The following SAMD4B variants were observed in gnomAD, a reference collection of about 807,000 sequenced individuals.
SAMD4B encodes the protein sterile alpha motif domain containing 4B, also known as protein Smaug homolog 2.
Under a neutral mutation model 74.5 loss-of-function variants are expected in SAMD4B, and 5 were observed. The ratio of observed to expected loss-of-function variants is 0.07; its 90% CI spans 0.04 to 0.14. The LOEUF (loss-of-function observed/expected upper bound fraction) is 0.14, where lower values mean the gene tolerates loss of function less well. Among genes scored for constraint, SAMD4B ranks in the 10% least tolerant of loss-of-function variants. The probability of loss-of-function intolerance (pLI) is 1.00; values close to 1 mark genes in which losing one functional copy is unlikely to be tolerated. For missense variants in SAMD4B, 608 were observed against 921.8 expected (o/e 0.66, Z 4.41); for synonymous variants, 373 against 374.9 (o/e 1.00, Z 0.06).
intron 10 of SAMD4B, 113 bp from the exon 11 acceptor site, chr19:39,380,474 A>T (rs1304227421): frequency 3.6e-6 from 4 of 1,107,590 alleles, no homozygotes; most frequent in Non-Finnish European, 4.1e-6. Flanking sequence ...AGAATGTGTG[A>T]TGGAGGTTTA....
intron 4 of SAMD4B, among the ~76,000 whole-genome samples, 187 bp downstream of exon 4, chr19:39,370,312 T>C (rs925744121): frequency 3.3e-5 from 5 of 152,230 alleles, no homozygotes; most frequent in African/African-American, 9.6e-5. Context: ...ACATGTCTTA[T>C]TGAACCCATA....
At position 39,375,983 on chromosome 19, in the gene SAMD4B, C is replaced by T; in HGVS notation, c.907+94C>T. The T allele has an allele frequency of 2.7e-6, 4 of 1,504,924 alleles. No individual in the cohort carries two copies. The highest frequency in any genetic ancestry group is 1.4e-5 in the African/African-American group (1 of 72,248). 93.2% of individuals were successfully genotyped at this position (1,504,924 alleles called of 1,614,324 possible). A position where few individuals can be genotyped will look rare whatever the true frequency, so the allele number is the denominator to read the frequency against. Reference sequence around the variant, plus strand: ...AGCTTGTAGCTGACACCTGCTTACCCCTCTGAGGAGGGGACATGTCTGAGG... The same window carrying T: ...AGCTTGTAGCTGACACCTGCTTACCTCTCTGAGGAGGGGACATGTCTGAGG... On this transcript the variant is annotated intron_variant, in intron 5 of 13. Transcript: ENST00000610417. This position sits in a 1 kb window ranked among gnomAD's most constrained non-coding sequence, Gnocchi z 4.1.
At chr19:39,386,174 T>G (rs2078243683), downstream of SAMD4B, 1 of 1,614,022 alleles carries the variant, frequency 6.2e-7, no homozygotes, top group African/African-American at 1.3e-5. This position sits in a 1 kb window ranked among gnomAD's most constrained non-coding sequence, Gnocchi z 6.1. Context: ...GGGCCTGTCC[T>G]CTGTCCTCAT....
At chr19:39,388,527 C>G (rs1183252314), downstream of SAMD4B, 4 of 1,613,358 alleles carry the variant, frequency 2.5e-6, no homozygotes, top group Non-Finnish European at 3.4e-6. Flanking sequence ...CCAAAACTTC[C>G]CAATCCCCAA....
At chr19:39,372,947 G>C (rs1157742511) in intron 4 of SAMD4B, among the ~76,000 whole-genome samples, 1 of 152,172 alleles carries the variant, frequency 6.6e-6, no homozygotes, top group Non-Finnish European at 1.5e-5. Context: ...TGGACACTCT[G>C]GGGTAGGGCA....
chr19:39,375,941 C>G lies in SAMD4B; in HGVS notation c.907+52C>G. The G allele has an allele frequency of 6.3e-7, 1 of 1,577,682 alleles. No homozygotes were observed. Among genetic ancestry groups the G allele is most frequent in the Non-Finnish European group, 8.6e-7 (1 of 1,165,114 alleles). On this transcript the variant is annotated intron_variant, in intron 5 of 13. Coordinates refer to ENST00000610417, the MANE Select transcript of SAMD4B (RefSeq NM_001384574.2). This position sits in a 1 kb window ranked among gnomAD's most constrained non-coding sequence, Gnocchi z 4.1. ...CCCTTTTCCAGGGGCTTCTGCAGAG[C>G]TTAGAGGACAGAAAGGAGCTTGTAG...
chr19:39,390,279 G>C (rs145586627), downstream of SAMD4B: 367 of 1,612,982 alleles, frequency 2.3e-4, no homozygotes, highest in Non-Finnish European at 3.0e-4. Context: ...AGAGTCCGGT[G>C]GGAATTGGGC....
intron 3 of SAMD4B, among the ~76,000 whole-genome samples, chr19:39,359,166 T>C (rs2076508371): frequency 6.6e-6 from 1 of 152,214 alleles, no homozygotes; most frequent in African/African-American, 2.4e-5. Context: ...TCTGCCTTTA[T>C]AGTGGGGGCT....
chr19:39,388,804 C>G, downstream of SAMD4B: 1 of 1,614,198 alleles, frequency 6.2e-7, no homozygotes, highest in South Asian at 1.1e-5. Flanking sequence ...AGCTGCACCA[C>G]TCGTGTCCTT....
At chr19:39,355,268 C>T (rs142695422) in intron 2 of SAMD4B, among the ~76,000 whole-genome samples, 34 of 152,254 alleles carry the variant, frequency 2.2e-4, no homozygotes, top group African/African-American at 3.9e-4. Context: ...AATTGCTGGA[C>T]GCTTGTTTAA....
chr19:39,364,569 A>T (rs1211176784), intron 3 of SAMD4B, among the ~76,000 whole-genome samples: 1 of 151,236 alleles, frequency 6.6e-6, no homozygotes, highest in East Asian at 1.9e-4. Context: ...ATTTTTTTTT[A>T]TTTTCATTCT....
chr19:39,356,754 C>A lies in SAMD4B; in HGVS notation c.-140C>A, dbSNP rs1216139152. 2 of 659,354 alleles carry A rather than the reference C, an allele frequency of 3.0e-6. No homozygotes were observed. The highest frequency in any genetic ancestry group is 5.1e-6 in the Non-Finnish European group (2 of 394,456). 40.8% of individuals were successfully genotyped at this position (659,354 alleles called of 1,614,324 possible). A position where few individuals can be genotyped will look rare whatever the true frequency, so the allele number is the denominator to read the frequency against. ...GTGAGCAGGCTTCCTCCTCCCCCAA[C>A]AACCGTTGCCACCACGCCCAGAAAC... is the stretch of plus-strand genomic sequence containing the variant. On this transcript the variant is annotated 5_prime_UTR_variant, in exon 3 of 14. Transcript: ENST00000610417.
At position 39,379,947 on chromosome 19, in the gene SAMD4B, G is replaced by C; in HGVS notation, c.1531-19G>C. The C allele has an allele frequency of 1.9e-6, 3 of 1,596,206 alleles. No individual in the cohort carries two copies. Among genetic ancestry groups the C allele is most frequent in the Non-Finnish European group, 1.7e-6 (2 of 1,164,858 alleles). Reference sequence around the variant, plus strand: ...GAAGCATCACCCTCTCTGCTTCACCGGTGTCCTGCCAATTCTAGGCTTTCA... The same window carrying C: ...GAAGCATCACCCTCTCTGCTTCACCCGTGTCCTGCCAATTCTAGGCTTTCA... On this transcript the variant is annotated intron_variant, in intron 9 of 13. Transcript: ENST00000610417.
At position 39,375,507 on chromosome 19, in the gene SAMD4B, A is replaced by T; in HGVS notation, c.668-143A>T. On this transcript the variant is annotated intron_variant, in intron 4 of 13. Coordinates refer to ENST00000610417, the MANE Select transcript of SAMD4B (RefSeq NM_001384574.2). The surrounding 1 kb of genome is among the most constrained non-coding windows in gnomAD (Gnocchi z 4.1). ...GGTAAGAGAATGAGGTATATCTGGT[A>T]GGCAGTTACCCTTGGACCCCAGGTC... The T allele has an allele frequency of 1.0e-6, 1 of 996,934 alleles. No homozygotes were observed. The highest frequency in any genetic ancestry group is 1.5e-6 in the Non-Finnish European group (1 of 667,124). The allele number at this position is 996,934 out of a possible 1,614,324, so 61.8% of individuals were successfully genotyped here.
intron 3 of SAMD4B, among the ~76,000 whole-genome samples, chr19:39,363,020 G>C (rs3826938): frequency 0.06 from 9,069 of 152,054 alleles, 440 homozygotes; most frequent in African/African-American, 0.13. Context: ...AGGCAGAGAA[G>C]GTCATGTTTA....
At chr19:39,380,438 G>A (rs1246842208) in intron 10 of SAMD4B, 149 bp from the exon 11 acceptor site, 1 of 809,550 alleles carries the variant, frequency 1.2e-6, no homozygotes, top group East Asian at 2.5e-5. Context: ...CTCCTTCCAG[G>A]GGGTACCCTT....
chr19:39,344,308 G>A (rs1035552648), intron 1 of SAMD4B, among the ~76,000 whole-genome samples: 7 of 150,502 alleles, frequency 4.7e-5, no homozygotes, highest in Admixed American at 2.6e-4. Flanking sequence ...AGAAGACCCC[G>A]CCTTCCCCAT....
intron 1 of SAMD4B, among the ~76,000 whole-genome samples, chr19:39,348,558 G>C (rs1568342224): frequency 6.6e-6 from 1 of 152,232 alleles, no homozygotes; most frequent in East Asian, 1.9e-4. Context: ...GGTTGGAAAG[G>C]CTGACAGAAG....
intron 3 of SAMD4B, 194 bp from the exon 4 acceptor site, chr19:39,369,461 G>C: frequency 1.7e-6 from 1 of 595,034 alleles, no homozygotes; most frequent in East Asian, 2.8e-5. Flanking sequence ...AAAAAAATAA[G>C]ACAAAAATTA....
Sources: allele counts gnomAD v4.1 joint callset (sites outside exome capture counted in the v4.1 genomes callset), GRCh38; gene constraint gnomAD v4.1.1; non-coding constraint Gnocchi (gnomAD v3.1); transcripts MANE v1.5; gene names NCBI Gene and HGNC (gene_info 2026-07-23, HGNC 2026-07-21).